The following DIAPH2 variants were observed in gnomAD, a reference collection of about 807,000 sequenced individuals.
DIAPH2 encodes protein diaphanous homolog 2.
DIAPH2 carries 35 observed loss-of-function variants against 92.7 expected under a neutral mutation model. The ratio of observed to expected loss-of-function variants is 0.38; its 90% CI spans 0.29 to 0.50. The LOEUF (loss-of-function observed/expected upper bound fraction) is 0.50. DIAPH2 is among the 20% of genes least tolerant of loss of function. The pLI is 0.94. For synonymous variants in DIAPH2, 301 were observed against 280.4 expected (o/e 1.07, Z -0.73); for missense variants, 701 against 819.5 (o/e 0.86, Z 1.77).
At chrX:96,773,058 C>A (rs764075825) in intron 4 of DIAPH2, among the ~76,000 whole-genome samples, 1 of 111,398 alleles carries the variant, frequency 9.0e-6, no homozygotes, top group African/African-American at 3.3e-5. Context: ...TCTATTTATC[C>A]ATCTTTCTGT....
chrX:96,936,559 A>G lies in DIAPH2; in HGVS notation c.1090-674A>G, dbSNP rs761308878. ...GGCATGCTTCTAAATTTTTTATACTATTATTATGAAAATTATCAGAGGTTT... is the reference window on the plus strand; with the variant it reads ...GGCATGCTTCTAAATTTTTTATACTGTTATTATGAAAATTATCAGAGGTTT... On this transcript the variant is annotated intron_variant, in intron 10 of 26. Transcript: ENST00000324765. Among the ~76,000 whole-genome samples, 12 of 111,517 alleles carry G rather than the reference A, an allele frequency of 1.1e-4. No homozygotes were observed. In the East Asian group the frequency reaches 3.1e-3, roughly 29 times the overall value.
At chrX:96,722,782 G>A (rs2063996828) in intron 1 of DIAPH2, among the ~76,000 whole-genome samples, 1 of 109,152 alleles carries the variant, frequency 9.2e-6, no homozygotes, top group Admixed American at 9.7e-5. Context: ...GACCTTGGGA[G>A]TAATAAAAAA....
chrX:97,321,855 G>T (rs891362021), intron 23 of DIAPH2, among the ~76,000 whole-genome samples: 1 of 111,624 alleles, frequency 9.0e-6, no homozygotes, highest in African/African-American at 3.2e-5. Flanking sequence ...GGCCATGTAT[G>T]TGTCTTAAAT....
chrX:97,323,520 G>C (rs1164013021), intron 23 of DIAPH2, among the ~76,000 whole-genome samples: 1 of 102,476 alleles, frequency 9.8e-6, no homozygotes, highest in Non-Finnish European at 2.0e-5. Flanking sequence ...GAACCCGGGA[G>C]GCGGAGCTTG....
chrX:97,291,101 A>G (rs1235892427), intron 23 of DIAPH2, among the ~76,000 whole-genome samples: 2 of 108,190 alleles, frequency 1.8e-5, no homozygotes, highest in Admixed American at 9.9e-5. Context: ...AAAAAAAACA[A>G]AAAAGCTGGG....
intron 26 of DIAPH2, among the ~76,000 whole-genome samples, chrX:97,560,957 A>C (rs1324537269): frequency 8.9e-6 from 1 of 112,697 alleles, no homozygotes; most frequent in Non-Finnish European, 1.9e-5. Flanking sequence ...TCATGAATGT[A>C]GATGGCTAAT....
At chrX:96,818,049 T>G (rs1390849573) in intron 4 of DIAPH2, among the ~76,000 whole-genome samples, 1 of 13,098 alleles carries the variant, frequency 7.6e-5, no homozygotes, top group Non-Finnish European at 1.4e-4. Context: ...TGGCGCGATC[T>G]CGGCTCACTG....
At chrX:97,342,425 A>G (rs2069120305) in intron 23 of DIAPH2, among the ~76,000 whole-genome samples, 2 of 112,362 alleles carry the variant, frequency 1.8e-5, no homozygotes, top group African/African-American at 3.2e-5. Context: ...CATTTTTGTG[A>G]CATACTAGCT....
At chrX:97,379,176 C>T (rs987133483) in intron 24 of DIAPH2, among the ~76,000 whole-genome samples, 10 of 110,812 alleles carry the variant, frequency 9.0e-5, no homozygotes, top group Non-Finnish European at 1.9e-4. Context: ...CCTTAGATGC[C>T]AATATTATGG....
At chrX:97,117,912 A>G (rs972902138) in intron 21 of DIAPH2, among the ~76,000 whole-genome samples, 2 of 111,797 alleles carry the variant, frequency 1.8e-5, no homozygotes, top group Non-Finnish European at 3.8e-5. Flanking sequence ...CCTGTTGGTT[A>G]TTAAAATTCT....
At chrX:96,782,090 ATATTTTATTT>A (rs779346508) in intron 4 of DIAPH2, among the ~76,000 whole-genome samples, 2 of 111,088 alleles carry the variant, frequency 1.8e-5, no homozygotes, top group African/African-American at 6.5e-5. Context: ...TTTATTCTAA[ATATTTTATTT>A]TATTTTATTT....
intron 5 of DIAPH2, among the ~76,000 whole-genome samples, chrX:96,886,893 C>T (rs752509215): frequency 5.1e-4 from 49 of 96,103 alleles, no homozygotes; most frequent in African/African-American, 1.9e-3. Flanking sequence ...TAGGAGCATG[C>T]GGAGGGGGAA....
intron 24 of DIAPH2, among the ~76,000 whole-genome samples, chrX:97,359,610 G>A (rs907806518): frequency 2.3e-5 from 2 of 86,375 alleles, no homozygotes; most frequent in Admixed American, 1.6e-4. Context: ...ACAGAGTCTC[G>A]CTCTGTTGCC....
chrX:96,899,939 T>G lies in DIAPH2; in HGVS notation c.588-12389T>G, dbSNP rs866140496. Among the ~76,000 whole-genome samples the G allele has an allele frequency of 1.9e-4, 21 of 109,177 alleles. No individual in the cohort carries two copies. In the East Asian group the frequency reaches 2.9e-3, roughly 15 times the overall value. The allele number at this position is 109,177 out of a possible 115,157, so 94.8% of individuals were successfully genotyped here. On this transcript the variant is annotated intron_variant, in intron 5 of 26. Coordinates refer to ENST00000324765, the MANE Select transcript of DIAPH2 (RefSeq NM_006729.5). The stretch of plus-strand genomic sequence containing the variant: ...TTTATTGAGAGTTTTTAGCATGAAG[T>G]GTTGTTGAATTTTGTCAAAGGCCTT...
chrX:97,360,548 C>A (rs182632322), intron 24 of DIAPH2, among the ~76,000 whole-genome samples: 2 of 111,140 alleles, frequency 1.8e-5, no homozygotes, highest in Non-Finnish European at 3.8e-5. Context: ...CACTTGAACC[C>A]GGGAGGTGGA....
At chrX:96,848,762 G>GT (rs908580596) in intron 4 of DIAPH2, among the ~76,000 whole-genome samples, 17 of 111,579 alleles carry the variant, frequency 1.5e-4, no homozygotes, top group Non-Finnish European at 2.1e-4. Flanking sequence ...CATTACTGAT[G>GT]TTTTTTTTGG....
At chrX:97,323,592 A>AC (rs1306519371) in intron 23 of DIAPH2, among the ~76,000 whole-genome samples, 7 of 78,993 alleles carry the variant, frequency 8.9e-5, no homozygotes, top group African/African-American at 3.4e-4. Flanking sequence ...CTCCGTCTCA[A>AC]GAAAAAAAAA....
chrX:97,165,669 T>G (rs1223380788), intron 22 of DIAPH2, among the ~76,000 whole-genome samples: 1 of 108,703 alleles, frequency 9.2e-6, no homozygotes, highest in African/African-American at 3.4e-5. Context: ...ATTTTTTTTT[T>G]TTTTTGTATT....
intron 26 of DIAPH2, among the ~76,000 whole-genome samples, chrX:97,440,594 C>CAAAAAAAAAA (rs775916074): frequency 2.5e-5 from 1 of 39,414 alleles, no homozygotes; most frequent in Non-Finnish European, 4.9e-5. Context: ...CTTCGTCTCA[C>CAAAAAAAAAA]AAAAAAAAAA....
Sources: gnomAD v4.1 joint callset for allele counts (sites outside exome capture counted in the v4.1 genomes callset) on GRCh38, gnomAD v4.1.1 for gene constraint, MANE v1.5 for transcripts, NCBI Gene and HGNC (gene_info 2026-07-23, HGNC 2026-07-21) for gene names.